The following MTA1 variants were observed in gnomAD, a reference collection of about 807,000 sequenced individuals.
MTA1 encodes the protein metastasis-associated protein MTA1.
In MTA1, 15 loss-of-function variants were observed where a neutral mutation model predicts 97.0. The ratio of observed to expected loss-of-function variants is 0.15; its 90% CI spans 0.10 to 0.24. The LOEUF (loss-of-function observed/expected upper bound fraction) is 0.24, where lower values mean the gene tolerates loss of function less well. MTA1 is among the 10% of genes least tolerant of loss of function. The probability of loss-of-function intolerance (pLI) is 1.00; values close to 1 mark genes in which losing one functional copy is unlikely to be tolerated. For synonymous variants in MTA1, 435 were observed against 417.5 expected (o/e 1.04, Z -0.51); for missense variants, 709 against 1,015.1 (o/e 0.70, Z 4.10).
At position 105,448,123 on chromosome 14, in the gene MTA1, G is replaced by A. The variant is rs587755125; in HGVS notation, c.191-1236G>A. Among the ~76,000 whole-genome samples the A allele has an allele frequency of 4.6e-5, 7 of 152,194 alleles. No homozygotes were observed. The South Asian group carries it at 6.2e-4, about 14-fold the overall frequency. On this transcript the variant is annotated intron_variant, in intron 3 of 20. Coordinates refer to ENST00000331320, the MANE Select transcript of MTA1 (RefSeq NM_004689.4). ...GACAGAATGACAGGGAGAGGGGAAC[G>A]TCCCTCCTCAGAGGAGGGCGTGGGG...
At chr14:105,427,389 C>G (rs150555496) in intron 1 of MTA1, among the ~76,000 whole-genome samples, 31 of 152,300 alleles carry the variant, frequency 2.0e-4, no homozygotes, top group African/African-American at 7.0e-4. Context: ...TTAGATGCCC[C>G]TGGGGGAGGT....
intron 3 of MTA1, among the ~76,000 whole-genome samples, chr14:105,447,226 C>T (rs1555427403): frequency 6.6e-6 from 1 of 152,122 alleles, no homozygotes; most frequent in African/African-American, 2.4e-5. Context: ...GCGGGCTGGC[C>T]CGCTGGAGAA....
chr14:105,463,906 C>T lies in MTA1; in HGVS notation c.1077-126C>T, dbSNP rs1191550515. 39 of 885,200 alleles carry T rather than the reference C, an allele frequency of 4.4e-5. No individual in the cohort carries two copies. Among genetic ancestry groups the T allele is most frequent in the African/African-American group, 1.3e-4 (8 of 59,998 alleles). The allele number at this position is 885,200 out of a possible 1,614,324, so 54.8% of individuals were successfully genotyped here. A position where few individuals can be genotyped will look rare whatever the true frequency, so the allele number is the denominator to read the frequency against. On this transcript the variant is annotated intron_variant, in intron 12 of 20. Transcript: ENST00000331320. The surrounding 1 kb of genome is among the most constrained non-coding windows in gnomAD (Gnocchi z 5.9). Reference sequence around the variant, plus strand: ...AAAGGGGAGAAAGGAAGATCCCTGCCGAGGCCGAGGGGTGCGAGGACGTGG... The same window carrying T: ...AAAGGGGAGAAAGGAAGATCCCTGCTGAGGCCGAGGGGTGCGAGGACGTGG...
rs587647214 is a variant in MTA1 at position 105,464,574 on chromosome 14, G to C, written c.1344+7G>C. On this transcript the variant is annotated splice_region_variant and intron_variant, in intron 14 of 20. Coordinates refer to ENST00000331320, the MANE Select transcript of MTA1 (RefSeq NM_004689.4). ...ACCAAACCGCAGTAACATGGTAAGGGGGGGGACACCCGCCCTGCCTGCCAT... is the reference window on the plus strand; with the variant it reads ...ACCAAACCGCAGTAACATGGTAAGGCGGGGGACACCCGCCCTGCCTGCCAT... 15 of 1,612,546 alleles carry C rather than the reference G, an allele frequency of 9.3e-6. No homozygotes were observed. Among genetic ancestry groups the C allele is most frequent in the Admixed American group, 3.3e-5 (2 of 59,998 alleles).
At chr14:105,460,224 G>A (rs1288740683) in intron 8 of MTA1, 134 bp from the exon 9 acceptor site, 1 of 703,062 alleles carries the variant, frequency 1.4e-6, no homozygotes, top group Non-Finnish European at 2.3e-6. Flanking sequence ...CTGGTCCCTG[G>A]CACCTGGGGA....
chr14:105,466,311 G>T, intron 16 of MTA1, 115 bp from the exon 17 acceptor site: 3 of 937,460 alleles, frequency 3.2e-6, no homozygotes, highest in Non-Finnish European at 4.9e-6. Context: ...GGTGGGGGCC[G>T]CATGGGGCTT....
chr14:105,420,505 G>C lies in MTA1; in HGVS notation c.28+442G>C, dbSNP rs1044977609. On this transcript the variant is annotated intron_variant, in intron 1 of 20. Transcript: ENST00000331320. This position sits in a 1 kb window ranked among gnomAD's most constrained non-coding sequence, Gnocchi z 5.3. ...CTGGGACTCCGGTGCATCCCCTCTG[G>C]GGATGGGGAGCCCCGGTGAGGGGCC... is the stretch of plus-strand genomic sequence containing the variant. 3.3e-5 allele frequency among the ~76,000 whole-genome samples: 5 copies of C among 152,150 alleles called. No individual in the cohort carries two copies. Among genetic ancestry groups the C allele is most frequent in the Non-Finnish European group, 5.9e-5 (4 of 67,992 alleles).
chr14:105,457,343 T>C (rs1165785830), intron 7 of MTA1, among the ~76,000 whole-genome samples: 1 of 152,250 alleles, frequency 6.6e-6, no homozygotes, highest in Non-Finnish European at 1.5e-5. Context: ...GAAACCCTCC[T>C]GGCCCTGGCC....
chr14:105,455,453 C>T (rs1242992027), intron 7 of MTA1, among the ~76,000 whole-genome samples: 2 of 152,234 alleles, frequency 1.3e-5, no homozygotes, highest in East Asian at 3.8e-4. Flanking sequence ...GGCAAGGCCG[C>T]GAGGCTGCCC....
chr14:105,469,214 A>G (rs941038492), intron 18 of MTA1: 2 of 613,960 alleles, frequency 3.3e-6, no homozygotes, highest in Admixed American at 2.3e-5. Flanking sequence ...GTCGGGTCCA[A>G]GGCTCCTGGC....
Position 105,466,432 on chromosome 14 carries a change from ACCCCCGCCCC to A in MTA1, c.1635_1644del (p.Arg546SerfsTer5). ...CCTGTGTCATTCCCGGCAGAGACCC[ACCCCCGCCCC>A]CCCAAGCCTGACCCCGTGAAAAGCG... On this transcript the variant is annotated frameshift_variant, in exon 17 of 21. Coordinates refer to ENST00000331320, the MANE Select transcript of MTA1 (RefSeq NM_004689.4). LOFTEE classifies it high-confidence loss of function. 1.4e-6 allele frequency: 1 copy of A among 724,448 alleles called. No individual in the cohort carries two copies. Among genetic ancestry groups the A allele is most frequent in the Non-Finnish European group, 2.3e-6 (1 of 433,644 alleles). 44.9% of individuals were successfully genotyped at this position (724,448 alleles called of 1,614,324 possible).
At chr14:105,453,417 G>A (rs1555429157) in intron 6 of MTA1, among the ~76,000 whole-genome samples, 1 of 152,274 alleles carries the variant, frequency 6.6e-6, no homozygotes, top group East Asian at 1.9e-4. Context: ...GGCTGAGGTG[G>A]GAGGATCACT....
rs1488612295 is a variant in MTA1 at position 105,424,643 on chromosome 14, GCAC to G, written c.28+4587_28+4589del. ...CCTGAGTAGCTGGGATTACAGGTGT[GCAC>G]CACCACACCTGGCTAGTTTTTGTGT... is the stretch of plus-strand genomic sequence containing the variant. On this transcript the variant is annotated intron_variant, in intron 1 of 20. Coordinates refer to ENST00000331320, the MANE Select transcript of MTA1 (RefSeq NM_004689.4). The surrounding 1 kb of genome is among the most constrained non-coding windows in gnomAD (Gnocchi z 4.0). 6.6e-6 allele frequency among the ~76,000 whole-genome samples: 1 copy of G among 151,978 alleles called. No individual in the cohort carries two copies. The highest frequency in any genetic ancestry group is 2.4e-5 in the African/African-American group (1 of 41,346).
At chr14:105,452,571 T>C (rs991029162) in intron 6 of MTA1, among the ~76,000 whole-genome samples, 7 of 152,228 alleles carry the variant, frequency 4.6e-5, no homozygotes, top group Admixed American at 2.6e-4. Flanking sequence ...TTGTCCCAGC[T>C]ACTCAGGAGG....
At chr14:105,428,317 G>A (rs2082073436) in intron 1 of MTA1, among the ~76,000 whole-genome samples, 1 of 152,014 alleles carries the variant, frequency 6.6e-6, no homozygotes, top group South Asian at 2.1e-4. Context: ...TTGAGATAAG[G>A]TCTCAGTCTG....
intron 10 of MTA1, among the ~76,000 whole-genome samples, chr14:105,462,794 G>A (rs587723756): frequency 9.9e-5 from 15 of 152,032 alleles, no homozygotes; most frequent in African/African-American, 3.4e-4. Flanking sequence ...GCTTGAACCC[G>A]GGAGGCAGAG....
chr14:105,442,050 A>T (rs1349788253), intron 2 of MTA1, among the ~76,000 whole-genome samples: 1 of 152,226 alleles, frequency 6.6e-6, no homozygotes, highest in Non-Finnish European at 1.5e-5. Flanking sequence ...GAGAGAAAAA[A>T]ATCAGACATC....
intron 1 of MTA1, among the ~76,000 whole-genome samples, chr14:105,433,364 C>T (rs1304422418): frequency 6.6e-5 from 10 of 152,206 alleles, no homozygotes; most frequent in South Asian, 2.1e-4. Flanking sequence ...GTCTCAGCCC[C>T]TCCAGAGGTC....
chr14:105,428,559 T>C (rs1555422733), intron 1 of MTA1, among the ~76,000 whole-genome samples: 1 of 152,156 alleles, frequency 6.6e-6, no homozygotes, highest in African/African-American at 2.4e-5. Flanking sequence ...TGAGCCACCA[T>C]GCCCAGCCTT....
Sources: allele counts gnomAD v4.1 joint callset (sites outside exome capture counted in the v4.1 genomes callset), GRCh38; gene constraint gnomAD v4.1.1; non-coding constraint Gnocchi (gnomAD v3.1); transcripts MANE v1.5; gene names NCBI Gene and HGNC (gene_info 2026-07-23, HGNC 2026-07-21).